The following SLC1A1 variants were observed in gnomAD, a reference collection of about 807,000 sequenced individuals.
SLC1A1 encodes the protein excitatory amino acid transporter 3.
In SLC1A1, 43 loss-of-function variants were observed where a neutral mutation model predicts 53.3. That is an observed-to-expected ratio of 0.81 (90% CI 0.63 to 1.04). The LOEUF is 1.04. SLC1A1 is among the 50% of genes least tolerant of loss of function. The pLI, the probability that SLC1A1 is intolerant of heterozygous loss-of-function variation, is 0.00. For missense variants in SLC1A1, 748 were observed against 664.9 expected (o/e 1.12, Z -1.37); for synonymous variants, 307 against 243.2 (o/e 1.26, Z -2.44).
At chr9:4,555,981 A>G (rs1372909811) in intron 2 of SLC1A1, among the ~76,000 whole-genome samples, 5 of 126,420 alleles carry the variant, frequency 4.0e-5, no homozygotes, top group Non-Finnish European at 8.2e-5. Flanking sequence ...CATACAAAAT[A>G]CTAGCCCTAT....
chr9:4,559,372 A>G (rs1395288712), intron 2 of SLC1A1, among the ~76,000 whole-genome samples: 1 of 152,178 alleles, frequency 6.6e-6, no homozygotes, highest in Non-Finnish European at 1.5e-5. Context: ...AGGCCAGAGC[A>G]CCTTCTCTCA....
intron 1 of SLC1A1, among the ~76,000 whole-genome samples, chr9:4,491,302 G>C (rs1469961002): frequency 6.6e-6 from 1 of 152,190 alleles, no homozygotes; most frequent in African/African-American, 2.4e-5. Context: ...TGGGCAGTGC[G>C]TGGAAAGGTG....
At chr9:4,495,822 T>C (rs976081250) in intron 1 of SLC1A1, among the ~76,000 whole-genome samples, 5 of 152,094 alleles carry the variant, frequency 3.3e-5, no homozygotes. Context: ...CTGCAGGGCT[T>C]GGCTGGATTT....
At chr9:4,499,270 C>G (rs1007270730) in intron 1 of SLC1A1, among the ~76,000 whole-genome samples, 16 of 151,948 alleles carry the variant, frequency 1.1e-4, no homozygotes, top group African/African-American at 2.9e-4. Context: ...GTCTCGAACT[C>G]CTGACCTCAG....
At chr9:4,525,935 G>T (rs760698767) in intron 1 of SLC1A1, among the ~76,000 whole-genome samples, 1 of 152,062 alleles carries the variant, frequency 6.6e-6, no homozygotes, top group Non-Finnish European at 1.5e-5. Context: ...CTAAACAAAA[G>T]TAAAAATACC....
At chr9:4,538,174 C>A (rs1255676763) in intron 1 of SLC1A1, among the ~76,000 whole-genome samples, 1 of 152,118 alleles carries the variant, frequency 6.6e-6, no homozygotes, top group African/African-American at 2.4e-5. Context: ...TCAGGAGGTC[C>A]TGAGGACATG....
intron 1 of SLC1A1, among the ~76,000 whole-genome samples, chr9:4,521,211 T>C (rs953830492): frequency 1.3e-5 from 2 of 152,212 alleles, no homozygotes; most frequent in African/African-American, 4.8e-5. Context: ...TTTGAATAAA[T>C]TGCAAAGCAA....
Position 4,583,882 on chromosome 9 carries a change from T to TCACACACACACACACA in SLC1A1, c.1328+725_1328+740dup, listed in dbSNP as rs113177004. Among the ~76,000 whole-genome samples, 4 of 136,966 alleles carry TCACACACACACACACA rather than the reference T, an allele frequency of 2.9e-5. No individual in the cohort carries two copies. The highest frequency in any genetic ancestry group is 1.1e-4 in the African/African-American group (4 of 35,264). The allele number at this position is 136,966 out of a possible 152,430, so 89.9% of individuals were successfully genotyped here. On this transcript the variant is annotated intron_variant, in intron 11 of 11. Coordinates refer to ENST00000262352, the MANE Select transcript of SLC1A1 (RefSeq NM_004170.6). This position sits in a 1 kb window ranked among gnomAD's most constrained non-coding sequence, Gnocchi z 4.6. ...CTCTCTCTCTCTCTCTCTCTCTCTC[T>TCACACACACACACACA]CACACACACACACACACACACACAC...
At chr9:4,572,604 G>T (rs1820161808) in intron 7 of SLC1A1, among the ~76,000 whole-genome samples, 1 of 152,308 alleles carries the variant, frequency 6.6e-6, no homozygotes, top group Non-Finnish European at 1.5e-5. Context: ...GTGGAGTGCA[G>T]TGGTGCAATC....
chr9:4,501,514 C>T (rs1365440862), intron 1 of SLC1A1, among the ~76,000 whole-genome samples: 1 of 151,612 alleles, frequency 6.6e-6, no homozygotes, highest in African/African-American at 2.4e-5. Flanking sequence ...CCTGTAATCC[C>T]AGAACTTTGG....
intron 2 of SLC1A1, among the ~76,000 whole-genome samples, chr9:4,559,570 A>C (rs2129651447): frequency 6.6e-6 from 1 of 152,240 alleles, no homozygotes; most frequent in Admixed American, 6.5e-5. Flanking sequence ...TAGGCCTTTT[A>C]GTGTGGGAAA....
At chr9:4,490,847 G>T in intron 1 of SLC1A1, 77 bp downstream of exon 1, 1 of 1,282,410 alleles carries the variant, frequency 7.8e-7, no homozygotes, top group Non-Finnish European at 1.1e-6. Flanking sequence ...GCTGAGGGTG[G>T]GCTTGGCGCT....
At chr9:4,543,937 CG>C in intron 1 of SLC1A1, among the ~76,000 whole-genome samples, 1 of 151,984 alleles carries the variant, frequency 6.6e-6, no homozygotes, top group Non-Finnish European at 1.5e-5. Context: ...CCAGCACTTT[CG>C]GAAGTCGAGG....
rs1005047262 is a variant in SLC1A1, at chr9:4,571,237, A to G, written c.583-967A>G. 1.1e-4 allele frequency among the ~76,000 whole-genome samples: 16 copies of G among 152,268 alleles called. 1 individual carries two copies. The highest frequency in any genetic ancestry group is 3.4e-4 in the African/African-American group (14 of 41,562). On this transcript the variant is annotated intron_variant, in intron 6 of 11. Coordinates refer to ENST00000262352, the MANE Select transcript of SLC1A1 (RefSeq NM_004170.6). ...CACACACTGGGGCCTATCAGAGGGT[A>G]GAGGGTGGGAGGAGGGAGAGGATCA...
At chr9:4,526,143 A>G (rs1476337687) in intron 1 of SLC1A1, among the ~76,000 whole-genome samples, 3 of 152,132 alleles carry the variant, frequency 2.0e-5, no homozygotes, top group Non-Finnish European at 4.4e-5. Context: ...ACAACAACAA[A>G]AAAACTCACA....
At chr9:4,550,164 G>A (rs1006646545) in intron 2 of SLC1A1, among the ~76,000 whole-genome samples, 4 of 152,116 alleles carry the variant, frequency 2.6e-5, no homozygotes, top group Non-Finnish European at 5.9e-5. Flanking sequence ...AAATATTTGC[G>A]TTTTGTTTAT....
intron 1 of SLC1A1, among the ~76,000 whole-genome samples, chr9:4,542,060 C>T (rs1817059803): frequency 6.6e-6 from 1 of 151,900 alleles, no homozygotes; most frequent in African/African-American, 2.4e-5. Context: ...TGAGGTCATT[C>T]ACTAGCCATT....
intron 1 of SLC1A1, among the ~76,000 whole-genome samples, chr9:4,537,597 AT>A (rs760049093): frequency 0.045 from 1,597 of 35,818 alleles, 330 homozygotes; most frequent in South Asian, 0.13. Flanking sequence ...ATAAAATAAA[AT>A]AAAAAAAAAA....
intron 2 of SLC1A1, among the ~76,000 whole-genome samples, chr9:4,560,427 G>C (rs1303041237): frequency 6.6e-6 from 1 of 152,112 alleles, no homozygotes; most frequent in Admixed American, 6.6e-5. Context: ...AAGAAGAAGA[G>C]AGAGGGTTAG....
Sources: allele counts gnomAD v4.1 joint callset (sites outside exome capture counted in the v4.1 genomes callset), GRCh38; gene constraint gnomAD v4.1.1; non-coding constraint Gnocchi (gnomAD v3.1); transcripts MANE v1.5; gene names NCBI Gene and HGNC (gene_info 2026-07-23, HGNC 2026-07-21).